The following OR56A4 variants were observed in gnomAD, a reference collection of about 807,000 sequenced individuals.
OR56A4 encodes the protein olfactory receptor family 56 subfamily A member 4, also known as olfactory receptor 56A4.
In OR56A4, 9 loss-of-function variants were observed where a neutral mutation model predicts 13.6. The observed-to-expected ratio is 0.66, with a 90% CI of 0.40 to 1.15. The LOEUF (loss-of-function observed/expected upper bound fraction) is 1.15, where lower values mean the gene tolerates loss of function less well. OR56A4 is among the 50% of genes most tolerant of loss of function. The pLI is 0.01. For missense variants in OR56A4, 380 were observed against 375.9 expected (o/e 1.01, Z -0.09); for synonymous variants, 167 against 153.9 (o/e 1.08, Z -0.63).
chr11:6,003,282 G>A, intron 2 of OR56A4: 1 of 552,034 alleles, frequency 1.8e-6, no homozygotes, highest in Non-Finnish European at 3.0e-6. Context: ...TAATAAAATA[G>A]AGATAAGGGA....
chr11:6,003,322 G>A (rs1241971560), intron 2 of OR56A4: 2 of 484,822 alleles, frequency 4.1e-6, no homozygotes, highest in African/African-American at 2.0e-5. Flanking sequence ...CTACCACCAC[G>A]CAGTTTAAAA....
At position 6,002,821 on chromosome 11, in the gene OR56A4, G is replaced by C; in HGVS notation, c.172C>G (p.Leu58Val). 1 of 1,613,850 alleles carries C rather than the reference G, an allele frequency of 6.2e-7. No individual in the cohort carries two copies. Residue 58 changes from leucine (L) to valine (V), a missense_variant, in exon 3 of 3, where the codon CTG becomes GTG. Transcript: ENST00000641156. ...AGCAGGTAGTACAGGGGCTGGTGCA[G>C]AGAGGCCTCCAGCTGGATGGTGATC... ...LLITIQLEAS[L>V]HQPLYYLLSL...
rs554519117 is a variant in OR56A4 at position 5,999,483 on chromosome 11, C to T, written c.*2568G>A. On this transcript the variant is annotated 3_prime_UTR_variant, in exon 3 of 3. Transcript: ENST00000641156. ...AGAATTTATGAGTTTAACCAAAGTT[C>T]ACAAAAGCGGAGTACACAAATTTAG... The T allele has an allele frequency of 1.3e-5, 2 of 152,248 alleles. No homozygotes were observed. Among genetic ancestry groups the T allele is most frequent in the South Asian group, 4.1e-4 (2 of 4,822 alleles). The allele number at this position is 152,248 out of a possible 1,614,324, so 9.4% of individuals were successfully genotyped here.
At chr11:6,004,504 A>G (rs1848242526) in intron 2 of OR56A4, among the ~76,000 whole-genome samples, 1 of 152,234 alleles carries the variant, frequency 6.6e-6, no homozygotes, top group Non-Finnish European at 1.5e-5. Flanking sequence ...GCTGCCAGAG[A>G]AGATAATGTA....
chr11:6,002,883 A>G lies in OR56A4; in HGVS notation c.110T>C (p.Leu37Pro), dbSNP rs146654386. The G allele has an allele frequency of 1.9e-6, 3 of 1,614,060 alleles. No homozygotes were observed. The highest frequency in any genetic ancestry group is 2.5e-6 in the Non-Finnish European group (3 of 1,179,972). Residue 37 changes from leucine to proline, a missense_variant, in exon 3 of 3, where the codon CTC (leucine) becomes CCC (proline). Coordinates refer to ENST00000641156, the MANE Select transcript of OR56A4 (RefSeq NM_001005179.4). ...QHWLSLPLSL[L>P]FLLAMGANTT... ...GTTAGCTCCCATGGCCAGGAGGAAG[A>G]GAAGGCTGAGGGGCAGAGACAACCA...
At chr11:6,004,286 G>A (rs149106170) in intron 2 of OR56A4, among the ~76,000 whole-genome samples, 1,540 of 152,162 alleles carry the variant, frequency 0.01, 22 homozygotes, top group African/African-American at 0.034. Context: ...CCTGGGGGGC[G>A]GAGGTTGCAG....
In OR56A4 at chr11:6,002,611, C is replaced by T. The variant is rs754596940; in HGVS notation, c.382G>A (p.Ala128Thr). ...GGGTATCTCAATGGATGGCAGATGG[C>T]CACATAACGGTCATAGGCCATGACC... ...FMVMAYDRYV[A>T]ICHPLRYPSI... Residue 128 changes from alanine (A) to threonine (T), a missense_variant, in exon 3 of 3, where the codon GCC (alanine) becomes ACC (threonine). By Grantham distance (58) the Ala-to-Thr change is moderately conservative (BLOSUM62 0). Coordinates refer to ENST00000641156, the MANE Select transcript of OR56A4 (RefSeq NM_001005179.4). 1.3e-5 allele frequency: 21 copies of T among 1,614,196 alleles called. No homozygotes were observed. Among genetic ancestry groups the T allele is most frequent in the Non-Finnish European group, 1.8e-5 (21 of 1,180,020 alleles).
intron 2 of OR56A4, among the ~76,000 whole-genome samples, chr11:6,005,710 C>G (rs2133577474): frequency 6.6e-6 from 1 of 152,286 alleles, no homozygotes; most frequent in East Asian, 1.9e-4. Flanking sequence ...GAGCTCATTT[C>G]TTAGTTCAGA....
chr11:6,005,925 G>C (rs1350590192), intron 2 of OR56A4, among the ~76,000 whole-genome samples: 1 of 152,204 alleles, frequency 6.6e-6, no homozygotes, highest in Non-Finnish European at 1.5e-5. Context: ...CAAACACTGA[G>C]ACCATAGCAG....
At chr11:6,003,124 A>C (rs764324245) in intron 2 of OR56A4, 96 bp from the exon 3 acceptor site, 5 of 1,578,068 alleles carry the variant, frequency 3.2e-6, no homozygotes, top group Non-Finnish European at 4.3e-6. Flanking sequence ...TGTCCCAATA[A>C]AGTTTTTAAA....
At chr11:6,004,400 A>C (rs1169829067) in intron 2 of OR56A4, among the ~76,000 whole-genome samples, 1 of 152,190 alleles carries the variant, frequency 6.6e-6, no homozygotes, top group African/African-American at 2.4e-5. Flanking sequence ...TGTAATCAGC[A>C]TAGCTACAAT....
chr11:6,005,778 A>G (rs1377370636), intron 2 of OR56A4, among the ~76,000 whole-genome samples: 1 of 152,218 alleles, frequency 6.6e-6, no homozygotes, highest in African/African-American at 2.4e-5. Context: ...GCTCTCTACC[A>G]TCTCTTTTAT....
At chr11:6,005,546 C>T (rs998406821) in intron 2 of OR56A4, among the ~76,000 whole-genome samples, 3 of 152,092 alleles carry the variant, frequency 2.0e-5, no homozygotes, top group Admixed American at 6.5e-5. Flanking sequence ...TGAAAAGGAA[C>T]GTGATATGCA....
chr11:6,004,496 T>C (rs1428034409), intron 2 of OR56A4, among the ~76,000 whole-genome samples: 1 of 152,240 alleles, frequency 6.6e-6, no homozygotes, highest in Non-Finnish European at 1.5e-5. Flanking sequence ...AGACTTTAGC[T>C]GCCAGAGAAG....
Position 6,001,317 on chromosome 11 carries a change from C to G in OR56A4, c.*734G>C, listed in dbSNP as rs1280550681. 2.6e-5 allele frequency: 4 copies of G among 152,194 alleles called. No homozygotes were observed. Among genetic ancestry groups the G allele is most frequent in the African/African-American group, 4.8e-5 (2 of 41,418 alleles). 9.4% of individuals were successfully genotyped at this position (152,194 alleles called of 1,614,324 possible). A position where few individuals can be genotyped will look rare whatever the true frequency, so the allele number is the denominator to read the frequency against. On this transcript the variant is annotated 3_prime_UTR_variant, in exon 3 of 3. Transcript: ENST00000641156. ...TGAAGATGATGAAGAAAAGAACATA[C>G]AGCACTTCAAACAGTACAACTCCTC...
intron 1 of OR56A4, 72 bp from the exon 2 acceptor site, chr11:6,006,475 C>T (rs931923868): frequency 6.6e-6 from 1 of 152,150 alleles, no homozygotes; most frequent in Non-Finnish European, 1.5e-5. Flanking sequence ...TGGTATCTGA[C>T]CATGAGTCAT....
intron 2 of OR56A4, among the ~76,000 whole-genome samples, chr11:6,005,113 A>G (rs1167738876): frequency 6.6e-6 from 1 of 152,192 alleles, no homozygotes; most frequent in Non-Finnish European, 1.5e-5. Context: ...CCTAAAAGCT[A>G]TTTCAATTCC....
Position 6,002,983 on chromosome 11 carries a change from G to A in OR56A4, c.10C>T (p.Pro4Ser). MAS[P>S]SNDSTAPVSE... is the part of the protein sequence containing the mutation. ...ACTGGGGCAGTGGAGTCATTGCTGG[G>A]AGATGCCATGTAAAGTTTCCTGATC... The change falls in exon 3 of 3, where the codon CCC becomes TCC. Residue 4 changes from proline to serine, a missense_variant. Pro to Ser is a moderately conservative substitution (Grantham distance 74). Coordinates refer to ENST00000641156, the MANE Select transcript of OR56A4 (RefSeq NM_001005179.4). 1 of 1,614,144 alleles carries A rather than the reference G, an allele frequency of 6.2e-7. No individual in the cohort carries two copies. The highest frequency in any genetic ancestry group is 1.3e-5 in the African/African-American group (1 of 75,036).
rs1382773532 is a variant in OR56A4 at position 5,999,548 on chromosome 11, G to C, written c.*2503C>G. On this transcript the variant is annotated 3_prime_UTR_variant, in exon 3 of 3. Coordinates refer to ENST00000641156, the MANE Select transcript of OR56A4 (RefSeq NM_001005179.4). ...CTGAGAATAAAATTCCAGTTCTCCA[G>C]ACTGTCTCAATCCTAATGGTCTTCA... 6.6e-6 allele frequency: 1 copy of C among 152,156 alleles called. No individual in the cohort carries two copies. Among genetic ancestry groups the C allele is most frequent in the Non-Finnish European group, 1.5e-5 (1 of 68,026 alleles). The allele number at this position is 152,156 out of a possible 1,614,324, so 9.4% of individuals were successfully genotyped here.
Sources: gnomAD v4.1 joint callset for allele counts (sites outside exome capture counted in the v4.1 genomes callset) on GRCh38, gnomAD v4.1.1 for gene constraint, MANE v1.5 for transcripts, NCBI Gene and HGNC (gene_info 2026-07-23, HGNC 2026-07-21) for gene names.